AKNA: variants seen among roughly 807,000 people sequenced by gnomAD.
AKNA encodes AT-hook transcription factor, also known as microtubule organization protein AKNA.
A neutral mutation model predicts 138.8 loss-of-function variants in AKNA; 67 were observed. The observed-to-expected ratio is 0.48, with a 90% CI of 0.40 to 0.59. The LOEUF is 0.59. AKNA is among the 20% of genes least tolerant of loss of function. The pLI, the probability that AKNA is intolerant of heterozygous loss-of-function variation, is 0.00. For missense variants in AKNA, 1,813 were observed against 1,880.4 expected (o/e 0.96, Z 0.66); for synonymous variants, 737 against 754.4 (o/e 0.98, Z 0.38).
chr9:114,368,261 A>G, intron 5 of AKNA, 178 bp downstream of exon 5: 1 of 654,408 alleles, frequency 1.5e-6, no homozygotes, highest in Non-Finnish European at 2.2e-6. Context: ...TGTGGATCAA[A>G]GCAGGACACT....
At chr9:114,380,878 G>C (rs1406205731) in intron 2 of AKNA, among the ~76,000 whole-genome samples, 182 bp downstream of exon 2, 3 of 151,078 alleles carry the variant, frequency 2.0e-5, no homozygotes, top group Non-Finnish European at 2.9e-5. Context: ...AGCTACTCGG[G>C]ACGCTGAGGC....
upstream of AKNA, among the ~76,000 whole-genome samples, chr9:114,395,335 G>A (rs34766359): frequency 0.12 from 17,653 of 152,014 alleles, 1,426 homozygotes; most frequent in East Asian, 0.41. Context: ...GCCAACTGCC[G>A]CACCTCTTCC....
Position 114,337,064 on chromosome 9 carries a change from C to T in AKNA, c.4310G>A (p.Cys1437Tyr), listed in dbSNP as rs866721340. 3.2e-6 allele frequency: 4 copies of T among 1,266,750 alleles called. No homozygotes were observed. Among genetic ancestry groups the T allele is most frequent in the East Asian group, 5.1e-5 (1 of 19,714 alleles). The allele number at this position is 1,266,750 out of a possible 1,614,324, so 78.5% of individuals were successfully genotyped here. A position where few individuals can be genotyped will look rare whatever the true frequency, so the allele number is the denominator to read the frequency against. Residue 1437 changes from cysteine to tyrosine, a missense_variant, in exon 22 of 22, where the codon TGC becomes TAC. Cys to Tyr is a radical substitution (Grantham distance 194). Coordinates refer to ENST00000374088, the MANE Select transcript of AKNA (RefSeq NM_001317950.2). ...LRQAHSLRGS[C>Y]LF Reference sequence around the variant, plus strand: ...GGGCCCCCAGTGAAGTCAGAAGAGGCAGGAGCCCCGCAGGCTGTGAGCCTG... The same window carrying T: ...GGGCCCCCAGTGAAGTCAGAAGAGGTAGGAGCCCCGCAGGCTGTGAGCCTG...
downstream of AKNA, among the ~76,000 whole-genome samples, chr9:114,332,575 C>T (rs1199260457): frequency 2.0e-5 from 3 of 152,034 alleles, no homozygotes; most frequent in African/African-American, 4.8e-5. Context: ...CATTTGCCAC[C>T]TGAGATGACC....
rs200387267 is a variant in AKNA at position 114,337,183 on chromosome 9, C to A, written c.4191G>T (p.Glu1397Asp). The change falls in exon 22 of 22, where the codon GAG (glutamate) becomes GAT (aspartate). Residue 1397 changes from glutamate (E) to aspartate (D), a missense_variant. By Grantham distance (45) the Glu-to-Asp change is conservative (BLOSUM62 2). Transcript: ENST00000374088. The stretch of plus-strand genomic sequence containing the variant: ...CGGCCCGGCTCAGGGCCTTGTTGAG[C>A]TCCTCTAGGTCGCCCAGGTCGAGCT... ...SIQLDLGDLEELNKALSRAVQ... is the reference protein window; with the variant it reads ...SIQLDLGDLEDLNKALSRAVQ... The A allele has an allele frequency of 1.9e-6, 3 of 1,609,862 alleles. No homozygotes were observed. Among genetic ancestry groups the A allele is most frequent in the Non-Finnish European group, 2.5e-6 (3 of 1,177,174 alleles).
At chr9:114,366,930 G>A (rs942203927) in intron 6 of AKNA, among the ~76,000 whole-genome samples, 7 of 152,030 alleles carry the variant, frequency 4.6e-5, no homozygotes, top group African/African-American at 1.7e-4. Flanking sequence ...CTCACTCCAC[G>A]TATTTTATTT....
chr9:114,371,136 C>T (rs1342694404), intron 4 of AKNA, among the ~76,000 whole-genome samples: 1 of 152,160 alleles, frequency 6.6e-6, no homozygotes, highest in Non-Finnish European at 1.5e-5. Context: ...CTCCCTGCCC[C>T]ACAGCTGGGC....
Position 114,334,447 on chromosome 9 carries a change from G to C in AKNA, c.*2607C>G. 1 of 147,684 alleles carries C rather than the reference G, an allele frequency of 6.8e-6. No individual in the cohort carries two copies. The highest frequency in any genetic ancestry group is 1.7e-4 in the East Asian group (1 of 5,742). 9.1% of individuals were successfully genotyped at this position (147,684 alleles called of 1,614,324 possible). ...GCTTGGGGCCCAGGCCAGAGGGGCT[G>C]GGTGTCTCCATGGATGTGTTCTTAG... On this transcript the variant is annotated 3_prime_UTR_variant, in exon 22 of 22. Transcript: ENST00000374088.
chr9:114,351,105 G>C (rs774220258), intron 14 of AKNA, 84 bp from the exon 15 acceptor site: 46 of 1,387,036 alleles, frequency 3.3e-5, no homozygotes, highest in Non-Finnish European at 4.6e-5. Flanking sequence ...AATGATGGGG[G>C]AAGTGAAGAG....
chr9:114,346,849 G>C, intron 16 of AKNA, 65 bp from the exon 17 acceptor site: 1 of 1,377,912 alleles, frequency 7.3e-7, no homozygotes, highest in Non-Finnish European at 1.0e-6. Flanking sequence ...AAGGTTATTT[G>C]TGAGAAGTTC....
rs114010574 is a variant in AKNA, at chr9:114,381,383, G to T, written c.-50C>A. 1.2e-3 allele frequency: 1,762 copies of T among 1,476,800 alleles called. 18 individuals carry two copies. In the African/African-American group the frequency reaches 0.023, roughly 19 times the overall value. The allele number at this position is 1,476,800 out of a possible 1,614,324, so 91.5% of individuals were successfully genotyped here. A position where few individuals can be genotyped will look rare whatever the true frequency, so the allele number is the denominator to read the frequency against. ...GGCCACTTCATCTTCAGGAGACAGA[G>T]CTGCTGCCAGGGGCCCCAGAGTCAC... On this transcript the variant is annotated 5_prime_UTR_variant, in exon 2 of 22. Coordinates refer to ENST00000374088, the MANE Select transcript of AKNA (RefSeq NM_001317950.2).
At chr9:114,379,237 G>A (rs936659666) in intron 2 of AKNA, among the ~76,000 whole-genome samples, 2 of 152,216 alleles carry the variant, frequency 1.3e-5, no homozygotes, top group African/African-American at 4.8e-5. Flanking sequence ...CCACGGGCAA[G>A]CTGCTGACCT....
intron 1 of AKNA, chr9:114,394,314 C>T (rs1834461703): frequency 6.6e-6 from 1 of 151,984 alleles, no homozygotes. Context: ...ATGAAATGAA[C>T]ATGTACTATT....
intron 2 of AKNA, among the ~76,000 whole-genome samples, chr9:114,379,449 G>A (rs1401483702): frequency 6.6e-6 from 1 of 152,228 alleles, no homozygotes; most frequent in Non-Finnish European, 1.5e-5. Flanking sequence ...TGTCGACCCA[G>A]TGCATCTCAG....
At chr9:114,359,491 C>T (rs1276213857) in intron 11 of AKNA, 103 bp downstream of exon 11, 3 of 1,590,052 alleles carry the variant, frequency 1.9e-6, no homozygotes, top group Non-Finnish European at 2.6e-6. Context: ...ACAGGTAAGC[C>T]ATGTCTAAAC....
intron 11 of AKNA, chr9:114,359,335 C>G: frequency 1.5e-6 from 1 of 669,348 alleles, no homozygotes; most frequent in Non-Finnish European, 2.4e-6. Flanking sequence ...TCCCTCAATG[C>G]TGGGATTACA....
Position 114,337,096 on chromosome 9 carries a change from G to T in AKNA, c.4278C>A (p.Asp1426Glu), listed in dbSNP as rs375981274. The change falls in exon 22 of 22, where the codon GAC becomes GAA. Residue 1426 changes from aspartate (D) to glutamate (E), a missense_variant. Asp to Glu is a conservative substitution (Grantham distance 45). Coordinates refer to ENST00000374088, the MANE Select transcript of AKNA (RefSeq NM_001317950.2). ...TRQMRSSLSA[D>E]LRQAHSLRGS... ...CCCGCAGGCTGTGAGCCTGGCGCAG[G>T]TCGGCTGACAGCGAGCTTCTCATCT... is the stretch of plus-strand genomic sequence containing the variant. 6.9e-6 allele frequency: 11 copies of T among 1,597,806 alleles called. No homozygotes were observed. Among genetic ancestry groups the T allele is most frequent in the African/African-American group, 5.4e-5 (4 of 74,374 alleles).
chr9:114,359,426 C>G, intron 11 of AKNA, 168 bp downstream of exon 11: 1 of 1,345,632 alleles, frequency 7.4e-7, no homozygotes, highest in Non-Finnish European at 1.0e-6. Flanking sequence ...CCCACACTAC[C>G]CAAAATCATT....
chr9:114,337,761 G>C (rs952037206), intron 21 of AKNA, among the ~76,000 whole-genome samples: 3 of 151,668 alleles, frequency 2.0e-5, no homozygotes, highest in Admixed American at 6.6e-5. Flanking sequence ...AGGGGTGCTG[G>C]AGAAAGGCAA....
Sources: gnomAD v4.1 joint callset for allele counts (sites outside exome capture counted in the v4.1 genomes callset) on GRCh38, gnomAD v4.1.1 for gene constraint, MANE v1.5 for transcripts, NCBI Gene and HGNC (gene_info 2026-07-23, HGNC 2026-07-21) for gene names.